Variants in TENM1 observed in about 807,000 individuals in gnomAD.
TENM1 encodes the protein teneurin-1.
In TENM1, 35 loss-of-function variants were observed where a neutral mutation model predicts 174.8. That is an observed-to-expected ratio of 0.20 (90% CI 0.15 to 0.27). The LOEUF (loss-of-function observed/expected upper bound fraction) is 0.27, where lower values mean the gene tolerates loss of function less well. TENM1 is among the 10% of genes least tolerant of loss of function. TENM1 has a pLI of 1.00. For synonymous variants in TENM1, 781 were observed against 798.7 expected (o/e 0.98, Z 0.37); for missense variants, 1,633 against 2,130.1 (o/e 0.77, Z 4.59).
intron 3 of TENM1, among the ~76,000 whole-genome samples, chrX:124,817,547 GC>G (rs1387324016): frequency 1.8e-5 from 2 of 111,616 alleles, no homozygotes; most frequent in Non-Finnish European, 1.9e-5. Flanking sequence ...TTATTCAATC[GC>G]CATAGGAAAT....
intron 3 of TENM1, among the ~76,000 whole-genome samples, chrX:124,864,537 A>G (rs772357542): frequency 8.9e-6 from 1 of 111,893 alleles, no homozygotes; most frequent in African/African-American, 3.2e-5. Flanking sequence ...AGTCTTCTTG[A>G]AAATACATAG....
At chrX:124,806,998 T>G (rs911561164) in intron 3 of TENM1, among the ~76,000 whole-genome samples, 4 of 111,864 alleles carry the variant, frequency 3.6e-5, no homozygotes, top group Non-Finnish European at 5.6e-5. Context: ...CTGCTTCTGG[T>G]GAGGGCCTCA....
At chrX:125,103,453 T>C in the TENM1 span, among the ~76,000 whole-genome samples, 1 of 111,469 alleles carries the variant, frequency 9.0e-6, no homozygotes, top group Non-Finnish European at 1.9e-5. Flanking sequence ...TTTGGAGTTC[T>C]CTTGGGCTCA....
At chrX:125,048,243 A>ATTTT in the TENM1 span, among the ~76,000 whole-genome samples, 27 of 64,202 alleles carry the variant, frequency 4.2e-4, no homozygotes, top group Non-Finnish European at 5.0e-4. Context: ...GTTTCGAAGC[A>ATTTT]TTTTTTTTTT....
chrX:125,089,183 A>T, the TENM1 span, among the ~76,000 whole-genome samples: 435 of 111,787 alleles, frequency 3.9e-3, 2 homozygotes, highest in African/African-American at 0.013. Context: ...GTCTGCAGAG[A>T]GGTTGATAAA....
At chrX:125,058,987 T>TCACACACA in the TENM1 span, among the ~76,000 whole-genome samples, 15 of 103,649 alleles carry the variant, frequency 1.4e-4, no homozygotes, top group African/African-American at 5.0e-4. Flanking sequence ...TTCATCATCA[T>TCACACACA]CACACACACA....
intron 11 of TENM1, among the ~76,000 whole-genome samples, chrX:124,590,790 AG>A (rs1332302554): frequency 9.0e-6 from 1 of 111,728 alleles, no homozygotes; most frequent in African/African-American, 3.3e-5. Flanking sequence ...AGAATTTGTT[AG>A]TTTTCTGTCT....
chrX:124,889,687 TATAG>T (rs755465867), intron 3 of TENM1, among the ~76,000 whole-genome samples: 17 of 111,087 alleles, frequency 1.5e-4, no homozygotes, highest in Non-Finnish European at 2.6e-4. Flanking sequence ...GATGTTTTGA[TATAG>T]GCCTGCAATG....
At chrX:124,826,190 G>A (rs947994490) in intron 3 of TENM1, among the ~76,000 whole-genome samples, 1 of 110,711 alleles carries the variant, frequency 9.0e-6, no homozygotes, top group Non-Finnish European at 1.9e-5. Flanking sequence ...TGGGCAGATC[G>A]CTTGAACCCA....
At chrX:124,818,053 T>A (rs2055946032) in intron 3 of TENM1, among the ~76,000 whole-genome samples, 1 of 111,099 alleles carries the variant, frequency 9.0e-6, no homozygotes, top group Non-Finnish European at 1.9e-5. Flanking sequence ...TTTTTTTTTT[T>A]AATTGCAATT....
intron 23 of TENM1, among the ~76,000 whole-genome samples, chrX:124,429,524 A>T (rs2060754392): frequency 9.0e-6 from 1 of 111,364 alleles, no homozygotes; most frequent in Admixed American, 9.6e-5. Context: ...AGAGAAATGT[A>T]AACTTAATTT....
At chrX:124,757,891 T>C (rs2054306255) in intron 3 of TENM1, among the ~76,000 whole-genome samples, 1 of 112,300 alleles carries the variant, frequency 8.9e-6, no homozygotes, top group Non-Finnish European at 1.9e-5. Context: ...GAACTGAAAA[T>C]GTAAGACAAA....
chrX:124,512,292 TA>T (rs1406535630), intron 18 of TENM1, among the ~76,000 whole-genome samples: 3 of 111,320 alleles, frequency 2.7e-5, no homozygotes, highest in Non-Finnish European at 5.7e-5. Flanking sequence ...TTTTTTTTTT[TA>T]CATTGTTTTG....
chrX:124,977,999 AGAGAGAGAGAGAGAGAGAGAGAG>A, the TENM1 span, among the ~76,000 whole-genome samples: 2 of 101,408 alleles, frequency 2.0e-5, no homozygotes, highest in African/African-American at 7.5e-5. Context: ...AGAGAGAGAG[AGAGAGAGAGAGAGAGAGAGAGAG>A]ATCTTTTTCC....
chrX:124,533,983 T>C (rs2048159273), intron 15 of TENM1, among the ~76,000 whole-genome samples: 1 of 111,763 alleles, frequency 8.9e-6, no homozygotes, highest in African/African-American at 3.3e-5. Context: ...GCAAGATAAC[T>C]TGAACTTAGA....
At chrX:125,150,746 T>C in the TENM1 span, among the ~76,000 whole-genome samples, 11 of 112,662 alleles carry the variant, frequency 9.8e-5, no homozygotes, top group Non-Finnish European at 1.9e-4. Context: ...AAAGCTGCCC[T>C]TTATTCATAA....
intron 4 of TENM1, among the ~76,000 whole-genome samples, chrX:124,710,863 T>C (rs2053032489): frequency 1.8e-5 from 2 of 112,101 alleles, no homozygotes; most frequent in African/African-American, 3.2e-5. Context: ...TTGCAGTCCA[T>C]TGTTGGAAAG....
chrX:124,881,728 T>G (rs1420992649), intron 3 of TENM1, among the ~76,000 whole-genome samples: 4 of 107,502 alleles, frequency 3.7e-5, no homozygotes, highest in African/African-American at 1.4e-4. Flanking sequence ...TGTTGTTGTT[T>G]TGTTTTGTTT....
the TENM1 span, among the ~76,000 whole-genome samples, chrX:125,031,743 A>G: frequency 8.9e-6 from 1 of 112,179 alleles, no homozygotes; most frequent in Non-Finnish European, 1.9e-5. Flanking sequence ...CAGAACCTCT[A>G]TCTTTAGAAT....
Sources: allele counts gnomAD v4.1 joint callset (sites outside exome capture counted in the v4.1 genomes callset), GRCh38; gene constraint gnomAD v4.1.1; transcripts MANE v1.5; gene names NCBI Gene and HGNC (gene_info 2026-07-23, HGNC 2026-07-21).